The following MAP4K4 variants were observed in gnomAD, a reference collection of about 807,000 sequenced individuals.
The protein encoded by MAP4K4 is mitogen-activated protein kinase kinase kinase kinase 4.
MAP4K4 carries 38 observed loss-of-function variants against 189.6 expected under a neutral mutation model. The observed-to-expected ratio is 0.20, with a 90% CI of 0.15 to 0.26. The LOEUF is 0.26. Ranked by LOEUF, MAP4K4 falls within the 10% of genes least tolerant of loss-of-function variation. The pLI is 1.00. For missense variants in MAP4K4, 1,054 were observed against 1,726.9 expected (o/e 0.61, Z 6.91); for synonymous variants, 610 against 624.3 (o/e 0.98, Z 0.34).
intron 2 of MAP4K4, among the ~76,000 whole-genome samples, chr2:101,750,846 C>G (rs942605595): frequency 5.3e-5 from 8 of 150,858 alleles, no homozygotes; most frequent in African/African-American, 2.0e-4. Flanking sequence ...AAAGAAGGAA[C>G]AAAGAGACAT....
At chr2:101,724,611 A>G (rs550500901) in intron 2 of MAP4K4, among the ~76,000 whole-genome samples, 7 of 152,358 alleles carry the variant, frequency 4.6e-5, no homozygotes, top group African/African-American at 1.7e-4. Context: ...CACTTTGCAC[A>G]TTCTGATTTC....
intron 5 of MAP4K4, among the ~76,000 whole-genome samples, chr2:101,826,343 A>T (rs1387122329): frequency 6.6e-6 from 1 of 150,922 alleles, no homozygotes; most frequent in Admixed American, 6.6e-5. Flanking sequence ...GACTTCCTAG[A>T]GAAATGTTTA....
chr2:101,863,833 C>CTTGTAAGGT, exon 17 of MAP4K4: 1 of 1,367,498 alleles, frequency 7.3e-7, no homozygotes, highest in Non-Finnish European at 9.8e-7. Context: ...ACAGTGGTCC[C>CTTGTAAGGT]ACCTGGCATC....
intron 9 of MAP4K4, among the ~76,000 whole-genome samples, chr2:101,837,133 T>G (rs1381055682): frequency 1.3e-5 from 2 of 150,454 alleles, no homozygotes; most frequent in African/African-American, 4.9e-5. Flanking sequence ...TTCTTACTAG[T>G]TTTCCAATTG....
intron 2 of MAP4K4, among the ~76,000 whole-genome samples, chr2:101,772,051 C>T (rs1188947448): frequency 6.6e-6 from 1 of 152,190 alleles, no homozygotes; most frequent in Middle Eastern, 3.2e-3. Context: ...CCCTATTGTC[C>T]CTGTGCTGTG....
At chr2:101,881,298 C>T (rs2098383278) in intron 27 of MAP4K4, among the ~76,000 whole-genome samples, 1 of 152,132 alleles carries the variant, frequency 6.6e-6, no homozygotes. Flanking sequence ...ACAGGAAATA[C>T]AGGAAAGTGA....
chr2:101,717,004 A>G (rs1247191934), intron 2 of MAP4K4, among the ~76,000 whole-genome samples: 2 of 152,240 alleles, frequency 1.3e-5, no homozygotes, highest in African/African-American at 4.8e-5. Context: ...ATTTTACAAA[A>G]GAATCTAATC....
intron 2 of MAP4K4, among the ~76,000 whole-genome samples, chr2:101,766,225 AT>A (rs1381731515): frequency 2.0e-5 from 3 of 152,204 alleles, no homozygotes; most frequent in Non-Finnish European, 4.4e-5. Context: ...AATTTCTGAA[AT>A]TACAGAAAAA....
chr2:101,850,427 A>G (rs1661418192), intron 12 of MAP4K4, among the ~76,000 whole-genome samples: 1 of 152,206 alleles, frequency 6.6e-6, no homozygotes, highest in Non-Finnish European at 1.5e-5. Context: ...CGAAATTTAG[A>G]AGGAAGGCAG....
intron 11 of MAP4K4, among the ~76,000 whole-genome samples, chr2:101,843,013 T>C (rs2096967219): frequency 6.6e-6 from 1 of 152,150 alleles, no homozygotes; most frequent in South Asian, 2.1e-4. Context: ...CCATTTCTTG[T>C]GGTATATAGA....
At chr2:101,760,350 G>A (rs1237876832) in intron 2 of MAP4K4, among the ~76,000 whole-genome samples, 2 of 151,692 alleles carry the variant, frequency 1.3e-5, no homozygotes, top group South Asian at 2.1e-4. Context: ...TTAGCCAGAT[G>A]TGGTGGTGTG....
intron 2 of MAP4K4, among the ~76,000 whole-genome samples, chr2:101,736,951 A>G (rs1258347961): frequency 1.3e-5 from 2 of 152,270 alleles, no homozygotes; most frequent in East Asian, 3.9e-4. Flanking sequence ...TCTCTTTGAC[A>G]ACTCATTTGT....
chr2:101,880,803 G>C lies in MAP4K4; in HGVS notation c.3386-1748G>C, dbSNP rs144635004. Among the ~76,000 whole-genome samples, 16 of 152,146 alleles carry C rather than the reference G, an allele frequency of 1.1e-4. No individual in the cohort carries two copies. The East Asian group carries it at 2.7e-3, about 26-fold the overall frequency. On this transcript the variant is annotated intron_variant, in intron 27 of 32. Transcript: ENST00000324219. ...ATTACAGGCGTGAGCCACCGCGCCT[G>C]GTGTATAGTTCTATTTCTGGGCTCT...
At chr2:101,857,923 G>C (rs2097527534) in intron 13 of MAP4K4, among the ~76,000 whole-genome samples, 1 of 152,174 alleles carries the variant, frequency 6.6e-6, no homozygotes, top group South Asian at 2.1e-4. Context: ...TCTTAAAAGG[G>C]AATCTGAATT....
At chr2:101,741,714 C>T (rs537842868) in intron 2 of MAP4K4, among the ~76,000 whole-genome samples, 147 of 152,258 alleles carry the variant, frequency 9.7e-4, no homozygotes, top group African/African-American at 3.4e-3. Context: ...ACTTTGAGGA[C>T]GACTGGTTTA....
Position 101,860,427 on chromosome 2 carries a change from G to A in MAP4K4, c.1705-398G>A, listed in dbSNP as rs549018109. 2.0e-4 allele frequency: 37 copies of A among 182,244 alleles called. No homozygotes were observed. The South Asian group carries it at 4.2e-3, about 21-fold the overall frequency. 11.3% of individuals were successfully genotyped at this position (182,244 alleles called of 1,614,324 possible). A position where few individuals can be genotyped will look rare whatever the true frequency, so the allele number is the denominator to read the frequency against. Reference sequence around the variant, plus strand: ...CTGCCCTCACAGGCAGTAGATTCTAGAAACAAGTGTTCTGTTTGTTCTGGA... The same window carrying A: ...CTGCCCTCACAGGCAGTAGATTCTAAAAACAAGTGTTCTGTTTGTTCTGGA... On this transcript the variant is annotated intron_variant, in intron 15 of 32. Transcript: ENST00000324219.
rs1434145161 is a variant in MAP4K4, at chr2:101,789,737, T to G, written c.124-983T>G. Among the ~76,000 whole-genome samples the G allele has an allele frequency of 2.0e-5, 3 of 152,324 alleles. No homozygotes were observed. In the East Asian group the frequency reaches 5.8e-4, roughly 29 times the overall value. On this transcript the variant is annotated intron_variant, in intron 2 of 32. Transcript: ENST00000324219. ...GTTTCTCACAAAGTTGTTAAGTAGA[T>G]CATGCTCAGCATATCTGGATGCTCT...
exon 1 of MAP4K4, chr2:101,697,996 C>T: frequency 2.1e-6 from 2 of 932,984 alleles, no homozygotes; most frequent in Non-Finnish European, 2.9e-6. Flanking sequence ...GCGAGGAGCG[C>T]GGTCGGCGGC....
chr2:101,782,504 C>T (rs1446804749), intron 2 of MAP4K4, among the ~76,000 whole-genome samples: 1 of 152,194 alleles, frequency 6.6e-6, no homozygotes, highest in Non-Finnish European at 1.5e-5. Flanking sequence ...CCTGCCTGCT[C>T]ATCTGCAGCC....
Sources: gnomAD v4.1 joint callset for allele counts (sites outside exome capture counted in the v4.1 genomes callset) on GRCh38, gnomAD v4.1.1 for gene constraint, MANE v1.5 for transcripts, NCBI Gene and HGNC (gene_info 2026-07-23, HGNC 2026-07-21) for gene names.